Variants in MYO18A observed in about 807,000 individuals in gnomAD.
MYO18A encodes the protein unconventional myosin-XVIIIa.
Under a neutral mutation model 235.8 loss-of-function variants are expected in MYO18A, and 78 were observed. That is an observed-to-expected ratio of 0.33 (90% confidence interval 0.28 to 0.40). The LOEUF (loss-of-function observed/expected upper bound fraction) is 0.40. Among genes scored for constraint, MYO18A ranks in the 10% least tolerant of loss-of-function variants. MYO18A has a pLI of 1.00. For missense variants in MYO18A, 2,215 were observed against 2,699.3 expected (o/e 0.82, Z 3.98); for synonymous variants, 977 against 1,077.8 (o/e 0.91, Z 1.83).
chr17:29,097,017 AG>A, intron 27 of MYO18A, 102 bp from the exon 28 acceptor site: 1 of 1,418,490 alleles, frequency 7.0e-7, no homozygotes, highest in Non-Finnish European at 9.3e-7. Context: ...CCAGGGATGC[AG>A]GAGGAAGTCG....
rs1179846727 is a variant in MYO18A, at chr17:29,125,263, C to G, written c.1000-3010G>C. Among the ~76,000 whole-genome samples, 1 of 152,150 alleles carries G rather than the reference C, an allele frequency of 6.6e-6. No homozygotes were observed. Among genetic ancestry groups the G allele is most frequent in the Non-Finnish European group, 1.5e-5 (1 of 68,034 alleles). On this transcript the variant is annotated intron_variant, in intron 2 of 41. Coordinates refer to ENST00000527372, the MANE Select transcript of MYO18A (RefSeq NM_078471.4). The surrounding 1 kb of genome is among the most constrained non-coding windows in gnomAD (Gnocchi z 5.1). ...CCTGCACCTCTCATAGAACACAGCT[C>G]CCAGCAGCTTGCAGTCTAGAATCTC...
At chr17:29,172,956 A>C (rs1047558831) in intron 1 of MYO18A, among the ~76,000 whole-genome samples, 47 of 152,210 alleles carry the variant, frequency 3.1e-4, no homozygotes, top group Admixed American at 3.0e-3. Flanking sequence ...GAGGTATACT[A>C]TTTTCAATTA....
chr17:29,147,937 T>C (rs192643663), intron 2 of MYO18A, among the ~76,000 whole-genome samples: 24 of 132,332 alleles, frequency 1.8e-4, no homozygotes, highest in African/African-American at 6.6e-4. Context: ...TGATGCCAAA[T>C]GAGAGATAAG....
rs762704852 is a variant in MYO18A, at chr17:29,140,694, G to C, written c.1000-18441C>G. Among the ~76,000 whole-genome samples, 1 of 152,056 alleles carries C rather than the reference G, an allele frequency of 6.6e-6. No individual in the cohort carries two copies. The highest frequency in any genetic ancestry group is 1.5e-5 in the Non-Finnish European group (1 of 68,010). Reference sequence around the variant, plus strand: ...CACACCCCAGCTCCGGGACAGCTGGGCTGATATGGCTCCTAAAAATAGCAG... The same window carrying C: ...CACACCCCAGCTCCGGGACAGCTGGCCTGATATGGCTCCTAAAAATAGCAG... On this transcript the variant is annotated intron_variant, in intron 2 of 41. Transcript: ENST00000527372. The surrounding 1 kb of genome is among the most constrained non-coding windows in gnomAD (Gnocchi z 4.2).
At chr17:29,136,235 GAAAA>G (rs1181249964) in intron 2 of MYO18A, among the ~76,000 whole-genome samples, 57 of 105,306 alleles carry the variant, frequency 5.4e-4, no homozygotes, top group Middle Eastern at 5.1e-3. Flanking sequence ...CATCTCAAAA[GAAAA>G]AAAAAAAAAA....
In MYO18A at chr17:29,111,452, C is replaced by T; in HGVS notation, c.2872G>A (p.Ala958Thr). The change falls in exon 17 of 42, where the codon GCC (alanine) becomes ACC (threonine). Residue 958 changes from alanine (A) to threonine (T), a missense_variant. Transcript: ENST00000527372. This position sits in a 1 kb window ranked among gnomAD's most constrained non-coding sequence, Gnocchi z 5.1. ...YTKQNPATQN[A>T]PRLLQDSQKK... ...TGGGAGTCCTGCAGGAGCCGGGGGG[C>T]ATTCTGGGTGGCTGGGTTCTGCTTG... 6.2e-7 allele frequency: 1 copy of T among 1,612,280 alleles called. No individual in the cohort carries two copies. Among genetic ancestry groups the T allele is most frequent in the Non-Finnish European group, 8.5e-7 (1 of 1,179,276 alleles).
Position 29,090,618 on chromosome 17 carries a change from G to A in MYO18A, c.5305-3C>T, listed in dbSNP as rs1403227113. 6.3e-7 allele frequency: 1 copy of A among 1,596,964 alleles called. No homozygotes were observed. The highest frequency in any genetic ancestry group is 8.5e-7 in the Non-Finnish European group (1 of 1,171,140). ...ATCTGAGCCAGGTCCCGGGAAGCCT[G>A]GGAAAGGAATGAGAGCATCAGAAGC... On this transcript the variant is annotated splice_polypyrimidine_tract_variant and splice_region_variant and intron_variant, in intron 35 of 41. Coordinates refer to ENST00000527372, the MANE Select transcript of MYO18A (RefSeq NM_078471.4).
chr17:29,086,736 G>A, intron 38 of MYO18A, 159 bp from the exon 39 acceptor site: 5 of 1,178,826 alleles, frequency 4.2e-6, no homozygotes, highest in Non-Finnish European at 5.8e-6. Context: ...TGGGCTGTGG[G>A]GTCCAAGCCT....
intron 2 of MYO18A, among the ~76,000 whole-genome samples, chr17:29,135,043 G>C (rs538000168): frequency 6.6e-6 from 1 of 152,168 alleles, no homozygotes; most frequent in South Asian, 2.1e-4. Flanking sequence ...TCAGTCCAGG[G>C]AGAGGCTGCA....
rs2152846690 is a variant in MYO18A at position 29,118,087 on chromosome 17, G to A, written c.1996C>T (p.Leu666=). ...PDEQKACWFI[L]AAIYHLGAAG... is the part of the protein sequence containing the mutation. Reference sequence around the variant, plus strand: ...GCCCCCAGGTGGTAGATGGCAGCCAGAATGAACCAGCAGGCCTTCTGTTCA... The same window carrying A: ...GCCCCCAGGTGGTAGATGGCAGCCAAAATGAACCAGCAGGCCTTCTGTTCA... Residue 666 remains leucine, a synonymous_variant, in exon 10 of 42, where the codon CTG becomes TTG. Transcript: ENST00000527372. This position sits in a 1 kb window ranked among gnomAD's most constrained non-coding sequence, Gnocchi z 4.2. 1.9e-6 allele frequency: 3 copies of A among 1,592,444 alleles called. No individual in the cohort carries two copies. Among genetic ancestry groups the A allele is most frequent in the Non-Finnish European group, 2.6e-6 (3 of 1,169,262 alleles).
chr17:29,160,973 T>C (rs1187708404), intron 2 of MYO18A, among the ~76,000 whole-genome samples: 3 of 151,960 alleles, frequency 2.0e-5, no homozygotes, highest in East Asian at 1.9e-4. Context: ...ATCCCAGCAC[T>C]TGGGAGGCCT....
rs1268584140 is a variant in MYO18A, at chr17:29,105,206, C to T, written c.3442-1542G>A. Among the ~76,000 whole-genome samples the T allele has an allele frequency of 5.4e-5, 8 of 149,458 alleles. 1 individual carries two copies. The South Asian group carries it at 8.5e-4, about 16-fold the overall frequency. On this transcript the variant is annotated intron_variant, in intron 20 of 41. Transcript: ENST00000527372. ...AAAAAAAAAAAAAAAAGAAAAGTGC[C>T]GGTTGGCTCTGGCAATATGGAGGGC...
At chr17:29,093,645 A>G (rs1315457639) in intron 31 of MYO18A, among the ~76,000 whole-genome samples, 1 of 151,968 alleles carries the variant, frequency 6.6e-6, no homozygotes, top group Non-Finnish European at 1.5e-5. Context: ...GTGGCTAGCC[A>G]AGACAGAGTA....
At chr17:29,105,103 C>T (rs964713147) in intron 20 of MYO18A, among the ~76,000 whole-genome samples, 13 of 134,494 alleles carry the variant, frequency 9.7e-5, no homozygotes, top group Admixed American at 8.4e-4. Flanking sequence ...ACCTGGGAGG[C>T]GGAGCTTGCA....
Position 29,109,409 on chromosome 17 carries a change from G to T in MYO18A, c.3331+449C>A, listed in dbSNP as rs1330015199. Among the ~76,000 whole-genome samples the T allele has an allele frequency of 6.6e-6, 1 of 152,156 alleles. No individual in the cohort carries two copies. Among genetic ancestry groups the T allele is most frequent in the Non-Finnish European group, 1.5e-5 (1 of 68,028 alleles). ...ATCATCCTGTCTGTCGCCTCCTTTAGATGGGTCCATAAAAAAGGGTCTGTC... is the reference window on the plus strand; with the variant it reads ...ATCATCCTGTCTGTCGCCTCCTTTATATGGGTCCATAAAAAAGGGTCTGTC... On this transcript the variant is annotated intron_variant, in intron 19 of 41. Transcript: ENST00000527372. The surrounding 1 kb of genome is among the most constrained non-coding windows in gnomAD (Gnocchi z 4.1).
At chr17:29,116,708 T>C (rs1234251701) in intron 10 of MYO18A, among the ~76,000 whole-genome samples, 3 of 97,442 alleles carry the variant, frequency 3.1e-5, no homozygotes, top group Non-Finnish European at 5.5e-5. Context: ...CACATGTGTG[T>C]GTGCGCAAAC....
Position 29,115,019 on chromosome 17 carries a change from C to T in MYO18A, c.2399G>A (p.Gly800Glu), listed in dbSNP as rs371462786. ...CTCAAAGGAGGCTCCGCGGGCTGACCCACCCTGCTCAGGGTTCTGGAAGCC... is the reference window on the plus strand; with the variant it reads ...CTCAAAGGAGGCTCCGCGGGCTGACTCACCCTGCTCAGGGTTCTGGAAGCC... Reference protein sequence around the residue: ...TPGFQNPEQGGSARGASFEEL... With the variant: ...TPGFQNPEQGESARGASFEEL... The change falls in exon 14 of 42, where the codon GGG becomes GAG. Residue 800 changes from glycine (G) to glutamate (E), a missense_variant. Coordinates refer to ENST00000527372, the MANE Select transcript of MYO18A (RefSeq NM_078471.4). The T allele has an allele frequency of 4.3e-6, 7 of 1,613,926 alleles. No individual in the cohort carries two copies. Among genetic ancestry groups the T allele is most frequent in the Non-Finnish European group, 5.9e-6 (7 of 1,179,890 alleles).
intron 10 of MYO18A, among the ~76,000 whole-genome samples, chr17:29,116,824 G>A (rs1239963245): frequency 6.8e-6 from 1 of 147,600 alleles, no homozygotes; most frequent in South Asian, 2.1e-4. Context: ...GGAGCTTTCC[G>A]CTTGCAGTTG....
At chr17:29,092,654 C>A (rs2066425489) in intron 33 of MYO18A, among the ~76,000 whole-genome samples, 198 bp from the exon 34 acceptor site, 1 of 152,132 alleles carries the variant, frequency 6.6e-6, no homozygotes, top group South Asian at 2.1e-4. Flanking sequence ...AGGCCCCATC[C>A]ACACCATCCC....
Sources: allele counts gnomAD v4.1 joint callset (sites outside exome capture counted in the v4.1 genomes callset), GRCh38; gene constraint gnomAD v4.1.1; non-coding constraint Gnocchi (gnomAD v3.1); transcripts MANE v1.5; gene names NCBI Gene and HGNC (gene_info 2026-07-23, HGNC 2026-07-21).